PDE1A: variants seen among roughly 807,000 people sequenced by gnomAD.
PDE1A encodes dual specificity calcium/calmodulin-dependent 3',5'-cyclic nucleotide phosphodiesterase 1A.
Under a neutral mutation model 61.7 loss-of-function variants are expected in PDE1A, and 35 were observed. That is an observed-to-expected ratio of 0.57 (90% confidence interval 0.43 to 0.75). The LOEUF (loss-of-function observed/expected upper bound fraction) is 0.75, where lower values mean the gene tolerates loss of function less well. Ranked by LOEUF, PDE1A falls within the 30% of genes least tolerant of loss-of-function variation. The pLI, the probability that PDE1A is intolerant of heterozygous loss-of-function variation, is 0.00. For synonymous variants in PDE1A, 232 were observed against 213.2 expected, an observed-to-expected ratio of 1.09 and a Z score of -0.77; for missense variants, 597 against 630.6, an observed-to-expected ratio of 0.95 and a Z score of 0.57.
the PDE1A span, among the ~76,000 whole-genome samples, chr2:182,602,753 T>C: frequency 6.6e-6 from 1 of 152,012 alleles, no homozygotes; most frequent in East Asian, 1.9e-4. Flanking sequence ...AGAACAGGCA[T>C]GAGAAAGGAA....
intron 3 of PDE1A, among the ~76,000 whole-genome samples, chr2:182,236,916 C>T (rs1362395910): frequency 1.3e-5 from 2 of 152,180 alleles, no homozygotes; most frequent in African/African-American, 2.4e-5. Flanking sequence ...TCATACTTTT[C>T]TAATTCTATA....
intron 2 of PDE1A, among the ~76,000 whole-genome samples, chr2:182,450,734 A>C (rs1334329297): frequency 6.6e-6 from 1 of 151,968 alleles, no homozygotes; most frequent in Non-Finnish European, 1.5e-5. Flanking sequence ...TTACATGAAT[A>C]TCACTGTATG....
At chr2:182,172,908 T>C (rs1418802450) in intron 13 of PDE1A, among the ~76,000 whole-genome samples, 2 of 152,016 alleles carry the variant, frequency 1.3e-5, no homozygotes, top group Non-Finnish European at 2.9e-5. Context: ...GGACCAGTCA[T>C]GACCTTGTCC....
intron 2 of PDE1A, among the ~76,000 whole-genome samples, chr2:182,470,822 A>C (rs2125805108): frequency 6.6e-6 from 1 of 151,928 alleles, no homozygotes; most frequent in South Asian, 2.1e-4. Flanking sequence ...CTTAGAAGAA[A>C]GGTTTTGCAC....
intron 2 of PDE1A, among the ~76,000 whole-genome samples, chr2:182,477,087 A>G (rs1308218306): frequency 6.6e-6 from 1 of 151,956 alleles, no homozygotes; most frequent in Non-Finnish European, 1.5e-5. Flanking sequence ...AAGGAACAGC[A>G]TAATAATTCG....
At chr2:182,628,424 C>G in the PDE1A span, among the ~76,000 whole-genome samples, 2 of 152,124 alleles carry the variant, frequency 1.3e-5, no homozygotes, top group Admixed American at 1.3e-4. Context: ...AACTAGAGTT[C>G]TTTTCCTTTA....
the PDE1A span, among the ~76,000 whole-genome samples, chr2:182,669,861 G>A: frequency 5.3e-4 from 80 of 152,332 alleles, no homozygotes; most frequent in Non-Finnish European, 1.0e-3. Context: ...TAAGGAATCC[G>A]GGAGTGGCCA....
the PDE1A span, among the ~76,000 whole-genome samples, chr2:182,691,516 T>C: frequency 7.3e-4 from 111 of 152,318 alleles, 1 homozygote; most frequent in African/African-American, 2.5e-3. Flanking sequence ...TTGCACCTTA[T>C]ACAAAAATTA....
chr2:182,494,576 C>T (rs186062855), intron 2 of PDE1A, among the ~76,000 whole-genome samples: 5 of 63,616 alleles, frequency 7.9e-5, no homozygotes, highest in South Asian at 2.0e-3. Context: ...TCTTTGTCTC[C>T]ACCCCTGGAT....
At chr2:182,626,025 G>T in the PDE1A span, among the ~76,000 whole-genome samples, 17 of 152,264 alleles carry the variant, frequency 1.1e-4, no homozygotes, top group African/African-American at 4.1e-4. Flanking sequence ...GAATGGTAAC[G>T]CTGACAAAGC....
intron 12 of PDE1A, 122 bp downstream of exon 12, chr2:182,186,346 G>T: frequency 8.6e-7 from 1 of 1,163,356 alleles, no homozygotes; most frequent in Non-Finnish European, 1.2e-6. Flanking sequence ...CCACTAGGTG[G>T]CAATACTCCC....
chr2:182,488,487 T>G (rs111288250), intron 2 of PDE1A, among the ~76,000 whole-genome samples: 134 of 152,290 alleles, frequency 8.8e-4, no homozygotes, highest in Admixed American at 1.5e-3. Context: ...ATTTGGCAAA[T>G]TAGATATTTC....
the PDE1A span, among the ~76,000 whole-genome samples, chr2:182,589,018 G>A: frequency 6.7e-6 from 1 of 149,216 alleles, no homozygotes; most frequent in African/African-American, 2.4e-5. Flanking sequence ...ACTCCAGCCT[G>A]GGCGACAGAG....
the PDE1A span, among the ~76,000 whole-genome samples, chr2:182,576,026 AT>A: frequency 1.5e-4 from 22 of 150,454 alleles, no homozygotes; most frequent in Admixed American, 2.7e-4. Context: ...CTGTATATAC[AT>A]TATCTGATTT....
At chr2:182,508,962 A>AC (rs1034400393) in intron 2 of PDE1A, among the ~76,000 whole-genome samples, 2 of 133,514 alleles carry the variant, frequency 1.5e-5, no homozygotes, top group Non-Finnish European at 3.3e-5. Context: ...CCTCCCCCCT[A>AC]CCCCCAGCCC....
intron 2 of PDE1A, among the ~76,000 whole-genome samples, chr2:182,263,323 A>G (rs2125785037): frequency 6.6e-6 from 1 of 152,264 alleles, no homozygotes; most frequent in African/African-American, 2.4e-5. Context: ...TCCTTCAGAG[A>G]CAACTTGCTA....
intron 1 of PDE1A, among the ~76,000 whole-genome samples, chr2:182,404,942 C>T (rs1702220191): frequency 1.3e-5 from 2 of 152,098 alleles, no homozygotes. Context: ...AGTACATATA[C>T]CAGTAACATA....
chr2:182,645,859 C>T, the PDE1A span, among the ~76,000 whole-genome samples: 4 of 152,156 alleles, frequency 2.6e-5, no homozygotes, highest in Non-Finnish European at 5.9e-5. Flanking sequence ...TTACCTCCCT[C>T]CTCAACAAGG....
At chr2:182,476,973 G>T (rs1687407734) in intron 2 of PDE1A, among the ~76,000 whole-genome samples, 1 of 150,598 alleles carries the variant, frequency 6.6e-6, no homozygotes, top group African/African-American at 2.4e-5. Context: ...GACACATTTT[G>T]CCTCATGAAA....
Sources: allele counts gnomAD v4.1 joint callset (sites outside exome capture counted in the v4.1 genomes callset), GRCh38; gene constraint gnomAD v4.1.1; transcripts MANE v1.5; gene names NCBI Gene and HGNC (gene_info 2026-07-23, HGNC 2026-07-21).